SENP7: variants seen among roughly 807,000 people sequenced by gnomAD.
SENP7 encodes SUMO specific peptidase 7.
A neutral mutation model predicts 141.2 loss-of-function variants in SENP7; 64 were observed. The ratio of observed to expected loss-of-function variants is 0.45; its 90% confidence interval spans 0.37 to 0.56. The LOEUF is 0.56. Ranked by LOEUF, SENP7 falls within the 20% of genes least tolerant of loss-of-function variation. The pLI is 0.00. For missense variants in SENP7, 1,025 were observed against 1,212.2 expected, an observed-to-expected ratio of 0.85 and a Z score of 2.29; for synonymous variants, 382 against 426.4, an observed-to-expected ratio of 0.90 and a Z score of 1.28.
At chr3:101,409,139 G>A (rs908510568) in intron 5 of SENP7, among the ~76,000 whole-genome samples, 14 of 152,124 alleles carry the variant, frequency 9.2e-5, no homozygotes, top group Middle Eastern at 3.4e-3. Context: ...CACCAACAGC[G>A]ACCAAGCAGA....
chr3:101,368,139 G>A, intron 7 of SENP7, 128 bp from the exon 8 acceptor site: 2 of 651,056 alleles, frequency 3.1e-6, no homozygotes, highest in Non-Finnish European at 5.1e-6. Context: ...GAAATGTACT[G>A]TTAAATTCTC....
chr3:101,331,027 G>T (rs569508588), intron 19 of SENP7, among the ~76,000 whole-genome samples: 41 of 152,248 alleles, frequency 2.7e-4, no homozygotes, highest in African/African-American at 7.9e-4. Flanking sequence ...GGAGTCTACA[G>T]GAAATTAGAT....
intron 4 of SENP7, among the ~76,000 whole-genome samples, chr3:101,446,661 G>A (rs1576377391): frequency 6.6e-6 from 1 of 152,070 alleles, no homozygotes; most frequent in African/African-American, 2.4e-5. Flanking sequence ...ACATGCTCCT[G>A]AACAGCCACT....
intron 1 of SENP7, among the ~76,000 whole-genome samples, chr3:101,503,181 G>A (rs1043624759): frequency 6.6e-6 from 1 of 152,072 alleles, no homozygotes; most frequent in African/African-American, 2.4e-5. Flanking sequence ...TAATCACTAG[G>A]GAAATGCAAA....
intron 6 of SENP7, among the ~76,000 whole-genome samples, chr3:101,376,786 T>TA (rs2060348675): frequency 6.6e-6 from 1 of 151,570 alleles, no homozygotes; most frequent in African/African-American, 2.4e-5. Flanking sequence ...AAGTATAATT[T>TA]AAAAAAATGC....
chr3:101,496,774 C>T (rs749134218), intron 2 of SENP7, among the ~76,000 whole-genome samples: 1 of 150,188 alleles, frequency 6.7e-6, no homozygotes, highest in Non-Finnish European at 1.5e-5. Context: ...GATGGGCTTG[C>T]ACCATCTTGG....
intron 3 of SENP7, among the ~76,000 whole-genome samples, chr3:101,474,470 G>A (rs1576463937): frequency 6.6e-6 from 1 of 152,026 alleles, no homozygotes. Flanking sequence ...TCCTAGTCTG[G>A]CTCTCAGTTT....
chr3:101,349,702 A>C (rs1224562243), intron 12 of SENP7, among the ~76,000 whole-genome samples: 1 of 152,190 alleles, frequency 6.6e-6, no homozygotes, highest in East Asian at 1.9e-4. Context: ...ATTTAAAAAA[A>C]GATTATCTTT....
In SENP7 at chr3:101,470,585, G is replaced by T. The variant is rs531093348; in HGVS notation, c.187-11533C>A. Among the ~76,000 whole-genome samples the T allele has an allele frequency of 1.0e-3, 159 of 152,110 alleles. 2 individuals carry two copies. Among genetic ancestry groups the T allele is most frequent in the African/African-American group, 3.1e-3 (128 of 41,490 alleles). On this transcript the variant is annotated intron_variant, in intron 3 of 23. Transcript: ENST00000394095. Reference sequence around the variant, plus strand: ...AACTGGAAGCATTCCCTTTGAAAACGGGCACAAGACAGGCATGCCCTCTCT... The same window carrying T: ...AACTGGAAGCATTCCCTTTGAAAACTGGCACAAGACAGGCATGCCCTCTCT...
intron 3 of SENP7, among the ~76,000 whole-genome samples, chr3:101,467,246 C>T (rs956564866): frequency 1.3e-5 from 2 of 152,236 alleles, no homozygotes; most frequent in Admixed American, 6.5e-5. Flanking sequence ...TCCACCTCTG[C>T]GGGCAGGGCA....
intron 4 of SENP7, among the ~76,000 whole-genome samples, chr3:101,429,712 A>T (rs2062090183): frequency 6.6e-6 from 1 of 152,112 alleles, no homozygotes; most frequent in Non-Finnish European, 1.5e-5. Flanking sequence ...CCTGGCCAGA[A>T]CTTCCAATAC....
intron 6 of SENP7, among the ~76,000 whole-genome samples, chr3:101,386,661 C>G (rs1302009678): frequency 6.6e-6 from 1 of 152,208 alleles, no homozygotes; most frequent in African/African-American, 2.4e-5. Flanking sequence ...CTAGCCCAGA[C>G]AGTATCCTGC....
intron 2 of SENP7, 114 bp downstream of exon 2, chr3:101,500,956 T>C: frequency 1.4e-6 from 1 of 721,884 alleles, no homozygotes; most frequent in Non-Finnish European, 2.3e-6. Flanking sequence ...CCCAAAACAC[T>C]GACTAAAGTT....
chr3:101,510,429 T>C (rs557728740), intron 1 of SENP7, among the ~76,000 whole-genome samples: 158 of 152,332 alleles, frequency 1.0e-3, no homozygotes, highest in Middle Eastern at 3.4e-3. Flanking sequence ...CCTAATGTAG[T>C]CTCACAGATA....
chr3:101,364,253 A>G (rs1229577385), intron 10 of SENP7, among the ~76,000 whole-genome samples: 1 of 151,978 alleles, frequency 6.6e-6, no homozygotes, highest in Non-Finnish European at 1.5e-5. Flanking sequence ...AGAAAGAAAG[A>G]AAGAATACTG....
intron 6 of SENP7, among the ~76,000 whole-genome samples, chr3:101,386,933 A>G (rs1318206485): frequency 6.6e-6 from 1 of 152,194 alleles, no homozygotes; most frequent in Admixed American, 6.5e-5. Context: ...AGGGGCCTAA[A>G]AATAGGCAAG....
chr3:101,370,134 T>C (rs1445023358), intron 7 of SENP7, among the ~76,000 whole-genome samples: 1 of 152,210 alleles, frequency 6.6e-6, no homozygotes, highest in South Asian at 2.1e-4. Context: ...CCAGTAGTGG[T>C]ACCTTCAGGG....
intron 4 of SENP7, among the ~76,000 whole-genome samples, chr3:101,453,559 C>A: frequency 6.6e-6 from 1 of 152,122 alleles, no homozygotes; most frequent in Non-Finnish European, 1.5e-5. Context: ...AGTTCATGTC[C>A]TTTGTAGGGA....
rs986801308 is a variant in SENP7, at chr3:101,376,643, G to GTAT, written c.678-4518_678-4517insATA. On this transcript the variant is annotated intron_variant, in intron 6 of 23. Transcript: ENST00000394095. ...ACTCTGGGGACTGTTGTGGGGTGGG[G>GTAT]GGAGCGGGGAGGGATAGCATTAGGA... Among the ~76,000 whole-genome samples the GTAT allele has an allele frequency of 7.9e-5, 12 of 152,042 alleles. No homozygotes were observed. In the South Asian group the frequency reaches 2.3e-3, roughly 29 times the overall value.
Sources: allele counts gnomAD v4.1 joint callset (sites outside exome capture counted in the v4.1 genomes callset), GRCh38; gene constraint gnomAD v4.1.1; transcripts MANE v1.5; gene names NCBI Gene and HGNC (gene_info 2026-07-23, HGNC 2026-07-21).